Variants in CDKL5 observed in about 807,000 individuals in gnomAD.
CDKL5 encodes cyclin-dependent kinase-like 5.
Under a neutral mutation model 61.7 loss-of-function variants are expected in CDKL5, and 8 were observed. That is an observed-to-expected ratio of 0.13 (90% CI 0.08 to 0.23). CDKL5 has a LOEUF of 0.23. Among genes scored for constraint, CDKL5 ranks in the 10% least tolerant of loss-of-function variants. CDKL5 has a pLI of 1.00. For missense variants in CDKL5, 440 were observed against 734.5 expected (o/e 0.60, Z 4.63); for synonymous variants, 275 against 272.3 (o/e 1.01, Z -0.10).
downstream of CDKL5, chrX:18,644,742 G>T: frequency 2.9e-6 from 2 of 694,207 alleles, no homozygotes; most frequent in Non-Finnish European, 4.5e-6. Context: ...CCAAGCTCGG[G>T]CAGTCTGGGC....
At position 18,631,575 on chromosome X, in the gene CDKL5, T is replaced by C. The variant is rs1243191637; in HGVS notation, c.*2818T>C. 52 of 753,143 alleles carry C rather than the reference T, an allele frequency of 6.9e-5. No individual in the cohort carries two copies. Among genetic ancestry groups the C allele is most frequent in the Admixed American group, 8.7e-5 (1 of 11,480 alleles). 62.1% of individuals were successfully genotyped at this position (753,143 alleles called of 1,213,427 possible). ...TTTAAAGTCAGAAAAATTTGCCTTT[T>C]CTTTAGGAAGGGGAATTCATGACAT... On this transcript the variant is annotated 3_prime_UTR_variant, in exon 18 of 18. Coordinates refer to ENST00000623535, the MANE Select transcript of CDKL5 (RefSeq NM_001323289.2).
chrX:18,516,201 T>C (rs965210142), intron 3 of CDKL5, among the ~76,000 whole-genome samples: 1 of 110,658 alleles, frequency 9.0e-6, no homozygotes, highest in Non-Finnish European at 1.9e-5. Context: ...ATGTTGGCCA[T>C]GCTGGTCTTG....
Position 18,609,578 on chromosome X carries a change from C to G in CDKL5, c.2152+8C>G. The G allele has an allele frequency of 8.3e-7, 1 of 1,210,185 alleles. No individual in the cohort carries two copies. Among genetic ancestry groups the G allele is most frequent in the South Asian group, 1.8e-5 (1 of 56,869 alleles). On this transcript the variant is annotated splice_region_variant and intron_variant, in intron 14 of 17. Transcript: ENST00000623535. ...TTGGTAGCTTTTACAGAGGTAAGCC[C>G]ACCCCCGGCATTCAACAGGTTCCCC...
At chrX:18,650,380 T>C (rs1927976976) in intron 20 of CDKL5, 1 of 1,205,247 alleles carries the variant, frequency 8.3e-7, no homozygotes, top group Non-Finnish European at 1.1e-6. Context: ...GCCCCAAGCT[T>C]CATTCCACTG....
intron 3 of CDKL5, among the ~76,000 whole-genome samples, chrX:18,523,435 C>A (rs907112044): frequency 1.8e-5 from 2 of 111,825 alleles, no homozygotes; most frequent in Non-Finnish European, 3.8e-5. Context: ...AAGGTTCATT[C>A]ATGTAGAGTA....
At chrX:18,549,997 A>G (rs1297456644) in intron 3 of CDKL5, among the ~76,000 whole-genome samples, 1 of 111,826 alleles carries the variant, frequency 8.9e-6, no homozygotes, top group African/African-American at 3.3e-5. Context: ...CACTCCAGGT[A>G]GCTGGGTTGA....
chrX:18,589,334 C>T (rs1485811088), intron 9 of CDKL5: 1 of 110,169 alleles, frequency 9.1e-6, no homozygotes, highest in African/African-American at 3.3e-5. Context: ...TGTTCCCCAT[C>T]CTGTGTCCAA....
chrX:18,453,188 C>T (rs1360700641), intron 1 of CDKL5, among the ~76,000 whole-genome samples: 2 of 111,204 alleles, frequency 1.8e-5, no homozygotes, highest in East Asian at 2.8e-4. Context: ...TACTGTAACC[C>T]CACTAATTTT....
At chrX:18,515,436 A>G (rs750735779) in intron 3 of CDKL5, among the ~76,000 whole-genome samples, 1 of 111,956 alleles carries the variant, frequency 8.9e-6, no homozygotes, top group East Asian at 2.8e-4. Context: ...TGAACATCCA[A>G]CATTGGGGTA....
intron 1 of CDKL5, among the ~76,000 whole-genome samples, chrX:18,462,095 C>CAA (rs1932303118): frequency 2.8e-5 from 2 of 71,068 alleles, no homozygotes; most frequent in African/African-American, 1.0e-4. Flanking sequence ...TTTTTTTTTT[C>CAA]TTTTTTAGCT....
chrX:18,535,675 C>T (rs1357939587), intron 3 of CDKL5: 6 of 154,616 alleles, frequency 3.9e-5, no homozygotes, highest in African/African-American at 1.6e-4. Flanking sequence ...CTCTCGCCCC[C>T]GGAGAAAAGC....
At chrX:18,427,132 T>C (rs914976322) in intron 1 of CDKL5, among the ~76,000 whole-genome samples, 3 of 111,004 alleles carry the variant, frequency 2.7e-5, no homozygotes, top group African/African-American at 9.8e-5. Flanking sequence ...ATAGGTTGAG[T>C]ACCTAGCAAG....
At chrX:18,472,061 T>C (rs1259169685) in intron 1 of CDKL5, among the ~76,000 whole-genome samples, 2 of 112,318 alleles carry the variant, frequency 1.8e-5, no homozygotes, top group African/African-American at 3.2e-5. Flanking sequence ...TATTTTAAAA[T>C]GTACAATAAA....
chrX:18,551,827 A>G (rs1477156155), intron 3 of CDKL5, among the ~76,000 whole-genome samples: 1 of 108,142 alleles, frequency 9.2e-6, no homozygotes, highest in Non-Finnish European at 1.9e-5. Context: ...TCCTGGGCTC[A>G]AGCGATTTGC....
intron 1 of CDKL5, among the ~76,000 whole-genome samples, chrX:18,504,130 G>A (rs1340106826): frequency 9.1e-6 from 1 of 110,204 alleles, no homozygotes; most frequent in Admixed American, 9.7e-5. Flanking sequence ...GGTGGAGACA[G>A]GGTCTCACAC....
intron 10 of CDKL5, among the ~76,000 whole-genome samples, chrX:18,597,944 C>G (rs1926057583): frequency 9.0e-6 from 1 of 110,766 alleles, no homozygotes; most frequent in Non-Finnish European, 1.9e-5. Context: ...AAGCTAAATT[C>G]AGGCAATTAT....
At chrX:18,431,996 C>T (rs1363140812) in intron 1 of CDKL5, among the ~76,000 whole-genome samples, 2 of 110,204 alleles carry the variant, frequency 1.8e-5, no homozygotes, top group Non-Finnish European at 3.8e-5. Context: ...GCAACCTCCA[C>T]CTCCCAGGCT....
At chrX:18,583,867 G>A (rs890580270) in intron 7 of CDKL5, among the ~76,000 whole-genome samples, 3 of 111,991 alleles carry the variant, frequency 2.7e-5, no homozygotes, top group East Asian at 5.6e-4. Flanking sequence ...ATTAATGACC[G>A]TCTACAATAT....
At chrX:18,603,526 CAA>C (rs780910364) in intron 11 of CDKL5, among the ~76,000 whole-genome samples, 20 of 112,192 alleles carry the variant, frequency 1.8e-4, no homozygotes, top group Non-Finnish European at 3.4e-4. Context: ...TTCAAGCAGA[CAA>C]AAGAGTTATA....
Sources: gnomAD v4.1 joint callset for allele counts (sites outside exome capture counted in the v4.1 genomes callset) on GRCh38, gnomAD v4.1.1 for gene constraint, MANE v1.5 for transcripts, NCBI Gene and HGNC (gene_info 2026-07-23, HGNC 2026-07-21) for gene names.